Variants in RP1L1 observed in about 807,000 individuals in gnomAD.
The protein encoded by RP1L1 is retinitis pigmentosa 1-like 1 protein.
Under a neutral mutation model 15.7 loss-of-function variants are expected in RP1L1, and 27 were observed. The observed-to-expected ratio is 1.72, with a 90% CI of 1.27 to 2.38. RP1L1 has a LOEUF of 2.38. Among genes scored for constraint, RP1L1 ranks in the 30% most tolerant of loss-of-function variants. The pLI, the probability that RP1L1 is intolerant of heterozygous loss-of-function variation, is 0.00. For synonymous variants in RP1L1, 1,813 were observed against 1,276.7 expected (o/e 1.42, Z -8.96); for missense variants, 4,798 against 3,075.9 (o/e 1.56, Z -13.24).
At chr8:10,631,334 T>TGCACACAC (rs1798243372) in intron 1 of RP1L1, among the ~76,000 whole-genome samples, 1 of 13,336 alleles carries the variant, frequency 7.5e-5, no homozygotes, top group Non-Finnish European at 2.9e-4. Flanking sequence ...CACACACACA[T>TGCACACAC]GCACACACAC....
In RP1L1 at chr8:10,611,561, C is replaced by A. The variant is rs752603161; in HGVS notation, c.2537G>T (p.Ser846Ile). ...GGGACAGTACCTGCCACACAGCCAG[C>A]TAGCCTCAGGGGAGGGTCCCCGCTG... ...EAQRGPSPEA[S>I]WLCGRYCPTP... Residue 846 changes from serine (S) to isoleucine (I), a missense_variant, in exon 4 of 4, where the codon AGC becomes ATC. Transcript: ENST00000382483. 13 of 1,602,548 alleles carry A rather than the reference C, an allele frequency of 8.1e-6. No individual in the cohort carries two copies. Among genetic ancestry groups the A allele is most frequent in the Admixed American group, 1.7e-5 (1 of 58,294 alleles).
rs1278443320 is a variant in RP1L1 at position 10,610,263 on chromosome 8, C to G, written c.3835G>C (p.Asp1279His). The G allele has an allele frequency of 5.6e-6, 9 of 1,614,084 alleles. No homozygotes were observed. In the South Asian group the frequency reaches 7.7e-5, roughly 14 times the overall value. ...GAGCTCGCCCTCTGCTCCTCACTGT[C>G]TCTTTCTGCTTCATCCTCATTGGTG... ...CATNEDEAER[D>H]SEEQRASSNL... Residue 1279 changes from aspartate (D) to histidine (H), a missense_variant, in exon 4 of 4, where the codon GAC (aspartate) becomes CAC (histidine). Transcript: ENST00000382483.
chr8:10,625,297 C>T (rs916999248), intron 1 of RP1L1, among the ~76,000 whole-genome samples: 8 of 152,182 alleles, frequency 5.3e-5, no homozygotes, highest in African/African-American at 1.9e-4. Context: ...AGGCCACCTA[C>T]AGGGTCACAG....
intron 2 of RP1L1, among the ~76,000 whole-genome samples, chr8:10,617,546 C>CTTTTTTTTTTTTTT (rs777209714): frequency 1.6e-5 from 1 of 63,388 alleles, no homozygotes; most frequent in African/African-American, 6.2e-5. Flanking sequence ...GTTTCTTTTT[C>CTTTTTTTTTTTTTT]TTTTTTTTTT....
intron 1 of RP1L1, among the ~76,000 whole-genome samples, chr8:10,645,052 C>A (rs1041862528): frequency 1.1e-4 from 16 of 152,294 alleles, no homozygotes; most frequent in African/African-American, 3.1e-4. Flanking sequence ...TAGGATTGGG[C>A]ATGGTGGCTC....
intron 1 of RP1L1, among the ~76,000 whole-genome samples, chr8:10,628,252 C>T (rs762607608): frequency 1.3e-5 from 2 of 152,216 alleles, no homozygotes; most frequent in Non-Finnish European, 2.9e-5. Flanking sequence ...AAAGTTAGCA[C>T]ATGAGGCTGT....
Position 10,606,706 on chromosome 8 carries a change from GCT to G in RP1L1, c.*187_*188del. On this transcript the variant is annotated 3_prime_UTR_variant, in exon 4 of 4. Transcript: ENST00000382483. ...CACTGCGTGTGGGACGGGCCGCAGA[GCT>G]CTCTGACACTTCTGGACTTAAGAGT... 1 of 956,806 alleles carries G rather than the reference GCT, an allele frequency of 1.0e-6. No homozygotes were observed. Among genetic ancestry groups the G allele is most frequent in the Non-Finnish European group, 1.5e-6 (1 of 660,312 alleles). The allele number at this position is 956,806 out of a possible 1,614,324, so 59.3% of individuals were successfully genotyped here. A position where few individuals can be genotyped will look rare whatever the true frequency, so the allele number is the denominator to read the frequency against.
intron 3 of RP1L1, among the ~76,000 whole-genome samples, chr8:10,615,415 G>T (rs930848415): frequency 6.6e-6 from 1 of 152,160 alleles, no homozygotes; most frequent in African/African-American, 2.4e-5. Flanking sequence ...TGTGGTCATG[G>T]TTAGTTTTAG....
chr8:10,642,100 T>C (rs1016545346), intron 1 of RP1L1, among the ~76,000 whole-genome samples: 1 of 152,316 alleles, frequency 6.6e-6, no homozygotes, highest in African/African-American at 2.4e-5. Flanking sequence ...GGGTGAAGAC[T>C]ATACAGGTGA....
intron 2 of RP1L1, among the ~76,000 whole-genome samples, chr8:10,620,873 G>C (rs565390061): frequency 6.6e-6 from 1 of 152,294 alleles, no homozygotes; most frequent in East Asian, 1.9e-4. Context: ...CATGTAGTGA[G>C]GAACCCCAAG....
chr8:10,638,138 G>C (rs1171543451), intron 1 of RP1L1, among the ~76,000 whole-genome samples: 1 of 152,242 alleles, frequency 6.6e-6, no homozygotes, highest in African/African-American at 2.4e-5. Flanking sequence ...GCTTAATGCA[G>C]TATTTTGTTA....
chr8:10,623,309 G>A (rs1798104027), intron 1 of RP1L1, 89 bp from the exon 2 acceptor site: 1 of 982,502 alleles, frequency 1.0e-6, no homozygotes, highest in Non-Finnish European at 1.5e-6. Flanking sequence ...GGTGCTTCCT[G>A]CCCACCCCAA....
chr8:10,624,062 T>C (rs934363656), intron 1 of RP1L1, among the ~76,000 whole-genome samples: 8 of 152,232 alleles, frequency 5.3e-5, no homozygotes, highest in African/African-American at 1.9e-4. Flanking sequence ...GTCCCCAGTA[T>C]GACCTTATCT....
chr8:10,612,844 C>T lies in RP1L1; in HGVS notation c.1254G>A (p.Glu418=), dbSNP rs751837338. The T allele has an allele frequency of 2.3e-5, 37 of 1,612,840 alleles. 1 individual carries two copies. In the South Asian group the frequency reaches 3.8e-4, roughly 17 times the overall value. The change falls in exon 4 of 4, where the codon GAG becomes GAA. Residue 418 remains glutamate, a synonymous_variant. Transcript: ENST00000382483. ...CCCACCTCTTCCGAGCTGCCACTCT[C>T]TCTCCCTGGGAGGCATGCAGGGGAT... ...WTNPLHASQG[E]RVAARKRWGL...
In RP1L1 at chr8:10,606,969, C is replaced by T. The variant is rs760896519; in HGVS notation, c.7129G>A (p.Ala2377Thr). The T allele has an allele frequency of 6.2e-7, 1 of 1,614,240 alleles. No individual in the cohort carries two copies. The highest frequency in any genetic ancestry group is 1.3e-5 in the African/African-American group (1 of 75,066). ...TCAGTGGGGGCGAGACTTCCGAGTG[C>T]CTGGTCCTCTTGTAGGTCATAACCT... ...SEGYDLQEDQALGSLAPTEAV... is the reference protein window; with the variant it reads ...SEGYDLQEDQTLGSLAPTEAV... The change falls in exon 4 of 4, where the codon GCA becomes ACA. Residue 2377 changes from alanine (A) to threonine (T), a missense_variant. Physicochemically the swap from Ala to Thr is moderately conservative, Grantham distance 58 (BLOSUM62 0). Coordinates refer to ENST00000382483, the MANE Select transcript of RP1L1 (RefSeq NM_178857.6).
At chr8:10,648,152 CTCCT>C (rs1229133831) in intron 1 of RP1L1, among the ~76,000 whole-genome samples, 1 of 152,096 alleles carries the variant, frequency 6.6e-6, no homozygotes, top group African/African-American at 2.4e-5. Flanking sequence ...CTGCCTTGGC[CTCCT>C]GAGTAGCTGG....
intron 2 of RP1L1, among the ~76,000 whole-genome samples, chr8:10,620,128 A>G (rs1389614457): frequency 6.6e-6 from 1 of 152,188 alleles, no homozygotes; most frequent in South Asian, 2.1e-4. Flanking sequence ...CCTCACTGCA[A>G]ACATTTTGCT....
Position 10,608,071 on chromosome 8 carries a change from C to T in RP1L1, c.6027G>A (p.Met2009Ile). The T allele has an allele frequency of 1.3e-6, 2 of 1,538,828 alleles. No homozygotes were observed. The highest frequency in any genetic ancestry group is 1.8e-6 in the Non-Finnish European group (2 of 1,136,692). Reference protein sequence around the residue: ...DVEAPEAEGEMQEAEEEAQPE... With the variant: ...DVEAPEAEGEIQEAEEEAQPE... ...GCTGGGCCTCCTCTTCTGCCTCTTG[C>T]ATCTCCCCTTCAGCCTCTGGGGCCT... Residue 2009 changes from methionine to isoleucine, a missense_variant, in exon 4 of 4, where the codon ATG becomes ATA. By Grantham distance (10) the Met-to-Ile change is conservative. Transcript: ENST00000382483.
chr8:10,647,826 C>A (rs930286108), intron 1 of RP1L1, among the ~76,000 whole-genome samples: 1 of 152,154 alleles, frequency 6.6e-6, no homozygotes, highest in African/African-American at 2.4e-5. Context: ...CTTTTCAAGA[C>A]CCTGTTTTCA....
Sources: gnomAD v4.1 joint callset for allele counts (sites outside exome capture counted in the v4.1 genomes callset) on GRCh38, gnomAD v4.1.1 for gene constraint, MANE v1.5 for transcripts, NCBI Gene and HGNC (gene_info 2026-07-23, HGNC 2026-07-21) for gene names.